The following PITPNC1 variants were observed in gnomAD, a reference collection of about 807,000 sequenced individuals.
PITPNC1 encodes cytoplasmic phosphatidylinositol transfer protein 1.
PITPNC1 carries 18 observed loss-of-function variants against 44.7 expected under a neutral mutation model. The observed-to-expected ratio is 0.40, with a 90% CI of 0.28 to 0.60. PITPNC1 has a LOEUF of 0.60. Among genes scored for constraint, PITPNC1 ranks in the 20% least tolerant of loss-of-function variants. The pLI is 0.39. For synonymous variants in PITPNC1, 141 were observed against 149.6 expected (o/e 0.94, Z 0.42); for missense variants, 290 against 418.4 (o/e 0.69, Z 2.68).
Position 67,492,716 on chromosome 17 carries a change from G to A in PITPNC1, c.49-40086G>A, listed in dbSNP as rs1050125094. On this transcript the variant is annotated intron_variant, in intron 1 of 8. Coordinates refer to ENST00000581322, the MANE Select transcript of PITPNC1 (RefSeq NM_012417.4). ...AGCTACTGTCCTGATTTCTAACGCCGGGGATAGGTTTTATGCCATTTGAAC... is the reference window on the plus strand; with the variant it reads ...AGCTACTGTCCTGATTTCTAACGCCAGGGATAGGTTTTATGCCATTTGAAC... Among the ~76,000 whole-genome samples the A allele has an allele frequency of 3.3e-5, 5 of 152,260 alleles. No individual in the cohort carries two copies. In the East Asian group the frequency reaches 7.7e-4, roughly 23 times the overall value.
chr17:67,628,560 C>T (rs2041924321), intron 5 of PITPNC1, among the ~76,000 whole-genome samples: 1 of 152,170 alleles, frequency 6.6e-6, no homozygotes, highest in Admixed American at 6.5e-5. Flanking sequence ...GGGGTTCAGA[C>T]TTCATTGGAG....
At chr17:67,570,119 C>T (rs570322411) in intron 4 of PITPNC1, among the ~76,000 whole-genome samples, 16 of 152,284 alleles carry the variant, frequency 1.1e-4, no homozygotes, top group African/African-American at 3.8e-4. Flanking sequence ...TTCTTAACTT[C>T]TTTGAGCCTT....
At chr17:67,570,119 CTTT>C (rs2041032899) in intron 4 of PITPNC1, among the ~76,000 whole-genome samples, 1 of 152,166 alleles carries the variant, frequency 6.6e-6, no homozygotes, top group Non-Finnish European at 1.5e-5. Flanking sequence ...TTCTTAACTT[CTTT>C]GAGCCTTGGT....
Position 67,386,135 on chromosome 17 carries a change from G to C in PITPNC1, c.48+7933G>C, listed in dbSNP as rs558921880. Among the ~76,000 whole-genome samples, 54 of 152,258 alleles carry C rather than the reference G, an allele frequency of 3.5e-4. No individual in the cohort carries two copies. In the South Asian group the frequency reaches 8.7e-3, roughly 25 times the overall value. ...AGCGAGTAATATTCATTTCAGTAAGGCTGTCGTTTCAGGCGAATGGAGAAT... is the reference window on the plus strand; with the variant it reads ...AGCGAGTAATATTCATTTCAGTAAGCCTGTCGTTTCAGGCGAATGGAGAAT... On this transcript the variant is annotated intron_variant, in intron 1 of 8. Coordinates refer to ENST00000581322, the MANE Select transcript of PITPNC1 (RefSeq NM_012417.4).
At chr17:67,633,241 G>A (rs149433868) in intron 6 of PITPNC1, among the ~76,000 whole-genome samples, 12 of 152,236 alleles carry the variant, frequency 7.9e-5, no homozygotes, top group Non-Finnish European at 1.5e-4. Flanking sequence ...CCCCAGACTC[G>A]TCCTTGAGCC....
intron 7 of PITPNC1, among the ~76,000 whole-genome samples, chr17:67,675,067 A>C (rs1039277901): frequency 6.6e-6 from 1 of 151,824 alleles, no homozygotes; most frequent in Non-Finnish European, 1.5e-5. Context: ...GATTTCCAAA[A>C]TTTATGACCT....
intron 1 of PITPNC1, among the ~76,000 whole-genome samples, chr17:67,382,310 CTAGAT>C (rs2037973263): frequency 6.6e-6 from 1 of 150,914 alleles, no homozygotes; most frequent in Non-Finnish European, 1.5e-5. Flanking sequence ...GAACTACTGT[CTAGAT>C]TAGAGTGTTG....
chr17:67,489,736 T>C (rs2039835488), intron 1 of PITPNC1, among the ~76,000 whole-genome samples: 1 of 152,130 alleles, frequency 6.6e-6, no homozygotes. Flanking sequence ...TTTTTGGTTA[T>C]TTCTTTTTTC....
intron 5 of PITPNC1, among the ~76,000 whole-genome samples, chr17:67,626,614 C>A (rs1409348254): frequency 6.6e-6 from 1 of 152,092 alleles, no homozygotes; most frequent in African/African-American, 2.4e-5. Flanking sequence ...AGGTGATCTG[C>A]CCACCTGGCC....
Position 67,524,811 on chromosome 17 carries a change from G to A in PITPNC1, c.49-7991G>A, listed in dbSNP as rs2040374623. The A allele has an allele frequency of 8.9e-4, 2 of 2,256 alleles. 1 individual carries two copies. Among genetic ancestry groups the A allele is most frequent in the Non-Finnish European group, 1.4e-3 (2 of 1,408 alleles). 0.1% of individuals were successfully genotyped at this position (2,256 alleles called of 1,614,324 possible). A position where few individuals can be genotyped will look rare whatever the true frequency, so the allele number is the denominator to read the frequency against. On this transcript the variant is annotated intron_variant, in intron 1 of 8. Coordinates refer to ENST00000581322, the MANE Select transcript of PITPNC1 (RefSeq NM_012417.4). ...GGAGTCTCGCTCTGTCGCCCAGGCC[G>A]GACTGCGGACTGCAGTGGCGCAATC...
At chr17:67,623,770 C>T (rs2041862654) in intron 5 of PITPNC1, among the ~76,000 whole-genome samples, 1 of 152,146 alleles carries the variant, frequency 6.6e-6, no homozygotes, top group Non-Finnish European at 1.5e-5. Flanking sequence ...GGATCTTAAA[C>T]CATCAAAGTT....
At chr17:67,684,167 A>G (rs1416852941) in intron 8 of PITPNC1, among the ~76,000 whole-genome samples, 3 of 143,324 alleles carry the variant, frequency 2.1e-5, no homozygotes, top group African/African-American at 7.8e-5. Context: ...GCTGGAGTGC[A>G]GTGACATGAT....
Position 67,470,612 on chromosome 17 carries a change from C to T in PITPNC1, c.49-62190C>T, listed in dbSNP as rs562863658. ...AGCCCCCCTGCCCGGCCAGCCGCCC[C>T]GTCCGGGAGGTGAGGGGCACCTCTG... On this transcript the variant is annotated intron_variant, in intron 1 of 8. Transcript: ENST00000581322. Among the ~76,000 whole-genome samples the T allele has an allele frequency of 7.1e-4, 108 of 152,252 alleles. 1 individual carries two copies. The Middle Eastern group carries it at 0.017, about 24-fold the overall frequency.
chr17:67,493,638 A>G (rs2039891535), intron 1 of PITPNC1, among the ~76,000 whole-genome samples: 1 of 152,204 alleles, frequency 6.6e-6, no homozygotes, highest in Non-Finnish European at 1.5e-5. Context: ...ATGCCCCAAG[A>G]TCTTTCTGGA....
intron 4 of PITPNC1, among the ~76,000 whole-genome samples, chr17:67,558,603 A>T (rs1018246514): frequency 1.3e-5 from 2 of 152,188 alleles, no homozygotes; most frequent in Non-Finnish European, 2.9e-5. Context: ...AATGGATAGC[A>T]GGGACCTAGA....
intron 6 of PITPNC1, among the ~76,000 whole-genome samples, chr17:67,633,831 G>T (rs2041999600): frequency 6.6e-6 from 1 of 152,228 alleles, no homozygotes; most frequent in African/African-American, 2.4e-5. Context: ...GGACCTCCCG[G>T]CCTCTTTGGG....
intron 1 of PITPNC1, among the ~76,000 whole-genome samples, chr17:67,472,200 A>T (rs1407768722): frequency 6.6e-6 from 1 of 151,934 alleles, no homozygotes; most frequent in Non-Finnish European, 1.5e-5. Flanking sequence ...ACCCACCGTA[A>T]GCTGCTAATT....
At chr17:67,575,839 CTTCT>C (rs1285304183) in intron 4 of PITPNC1, among the ~76,000 whole-genome samples, 1,086 of 92,782 alleles carry the variant, frequency 0.012, 65 homozygotes, top group African/African-American at 0.036. Context: ...TCCTTCCTTC[CTTCT>C]TTCTTTCTTT....
chr17:67,575,852 TTCTTTCC>T (rs2041138647), intron 4 of PITPNC1, among the ~76,000 whole-genome samples: 8 of 91,112 alleles, frequency 8.8e-5, no homozygotes, highest in Non-Finnish European at 1.2e-4. Flanking sequence ...CTTTCTTTCT[TTCTTTCC>T]TTCCTTCTTT....
Sources: allele counts gnomAD v4.1 joint callset (sites outside exome capture counted in the v4.1 genomes callset), GRCh38; gene constraint gnomAD v4.1.1; transcripts MANE v1.5; gene names NCBI Gene and HGNC (gene_info 2026-07-23, HGNC 2026-07-21).